CUX2: variants seen among roughly 807,000 people sequenced by gnomAD.
CUX2 encodes the protein cut like homeobox 2, also known as homeobox protein cut-like 2.
CUX2 carries 40 observed loss-of-function variants against 144.8 expected under a neutral mutation model. The ratio of observed to expected loss-of-function variants is 0.28; its 90% CI spans 0.21 to 0.36. The LOEUF is 0.36. Among genes scored for constraint, CUX2 ranks in the 10% least tolerant of loss-of-function variants. CUX2 has a pLI of 1.00. For missense variants in CUX2, 1,615 were observed against 1,994.0 expected (o/e 0.81, Z 3.62); for synonymous variants, 827 against 875.6 (o/e 0.94, Z 0.98).
chr12:111,311,607 T>TA (rs200109113), intron 15 of CUX2, among the ~76,000 whole-genome samples: 2,095 of 149,940 alleles, frequency 0.014, 89 homozygotes, highest in African/African-American at 0.049. Context: ...ATTATTATTT[T>TA]TTTTTTTTTG....
At chr12:111,047,185 C>T (rs1356721927) in intron 1 of CUX2, among the ~76,000 whole-genome samples, 1 of 152,188 alleles carries the variant, frequency 6.6e-6, no homozygotes, top group African/African-American at 2.4e-5. Context: ...GCCTGCATTC[C>T]GCGAGATGGA....
chr12:111,241,317 G>A (rs565272008), intron 3 of CUX2, among the ~76,000 whole-genome samples: 11 of 152,238 alleles, frequency 7.2e-5, no homozygotes, highest in South Asian at 2.1e-4. Context: ...ACTAGGCCCC[G>A]ACTCCCAATA....
chr12:111,313,320 C>T (rs1435214542), intron 16 of CUX2, among the ~76,000 whole-genome samples: 2 of 151,036 alleles, frequency 1.3e-5, no homozygotes, highest in Admixed American at 6.6e-5. Context: ...CCACCTGCCT[C>T]GGCCTCCCAA....
In CUX2 at chr12:111,134,350, T is replaced by A. The variant is rs111551677; in HGVS notation, c.64-79850T>A. On this transcript the variant is annotated intron_variant, in intron 1 of 21. Transcript: ENST00000261726. ...CTTCTTATCAGTGGTTGATTTGGAA[T>A]ATCTATTGGAGATAGTTTGCATATC... 1.4e-3 allele frequency among the ~76,000 whole-genome samples: 218 copies of A among 152,344 alleles called. 1 individual carries two copies. Among genetic ancestry groups the A allele is most frequent in the African/African-American group, 4.8e-3 (200 of 41,574 alleles).
intron 3 of CUX2, among the ~76,000 whole-genome samples, chr12:111,253,799 A>G (rs1164572090): frequency 7.0e-6 from 1 of 142,056 alleles, no homozygotes; most frequent in Non-Finnish European, 1.5e-5. Context: ...CATTTATAAA[A>G]TACTGTTTTT....
rs1200398908 is a variant in CUX2, at chr12:111,156,985, C to CAAAAAAA, written c.64-57197_64-57191dup. Among the ~76,000 whole-genome samples the CAAAAAAA allele has an allele frequency of 4.5e-3, 86 of 18,924 alleles. 3 individuals carry two copies. Among genetic ancestry groups the CAAAAAAA allele is most frequent in the African/African-American group, 9.0e-3 (32 of 3,538 alleles). The allele number at this position is 18,924 out of a possible 152,430, so 12.4% of individuals were successfully genotyped here. A position where few individuals can be genotyped will look rare whatever the true frequency, so the allele number is the denominator to read the frequency against. On this transcript the variant is annotated intron_variant, in intron 1 of 21. Transcript: ENST00000261726. ...TGGGCAATAAGAGCAAAACTTCTCT[C>CAAAAAAA]AAAAAAAAAAAAAAAAAAAAAAAAC...
At chr12:111,185,158 G>A (rs1027786431) in intron 1 of CUX2, among the ~76,000 whole-genome samples, 2 of 152,246 alleles carry the variant, frequency 1.3e-5, no homozygotes, top group Non-Finnish European at 2.9e-5. Flanking sequence ...TTGAATATAA[G>A]TAAAGTATCT....
intron 1 of CUX2, among the ~76,000 whole-genome samples, chr12:111,044,397 C>G (rs1201065091): frequency 6.6e-6 from 1 of 152,066 alleles, no homozygotes; most frequent in Non-Finnish European, 1.5e-5. Context: ...CATTCTCCCC[C>G]TCTTTATTCA....
intron 1 of CUX2, among the ~76,000 whole-genome samples, chr12:111,045,662 G>T (rs1165095816): frequency 6.6e-6 from 1 of 152,108 alleles, no homozygotes; most frequent in African/African-American, 2.4e-5. Flanking sequence ...GTTGCCTTGG[G>T]AGCTGCACCT....
chr12:111,312,334 C>T lies in CUX2; in HGVS notation c.2002+133C>T. The T allele has an allele frequency of 1.5e-6, 1 of 680,660 alleles. No individual in the cohort carries two copies. Among genetic ancestry groups the T allele is most frequent in the Non-Finnish European group, 2.5e-6 (1 of 406,398 alleles). 42.2% of individuals were successfully genotyped at this position (680,660 alleles called of 1,614,324 possible). On this transcript the variant is annotated intron_variant, in intron 16 of 21. Transcript: ENST00000261726. The surrounding 1 kb of genome is among the most constrained non-coding windows in gnomAD (Gnocchi z 4.3). ...CAGAACCACCAGAGGCCAGAGGGAC[C>T]TGTCTAGAGCGCATGGGTAGCTGTG...
At chr12:111,292,979 C>T (rs1885770169) in intron 5 of CUX2, among the ~76,000 whole-genome samples, 1 of 151,966 alleles carries the variant, frequency 6.6e-6, no homozygotes, top group African/African-American at 2.4e-5. Context: ...AAAAATTAGC[C>T]AAGCATGGTG....
At position 111,307,753 on chromosome 12, in the gene CUX2, C is replaced by T. The variant is rs764854519; in HGVS notation, c.1109+496C>T. Among the ~76,000 whole-genome samples the T allele has an allele frequency of 6.6e-6, 1 of 152,054 alleles. No individual in the cohort carries two copies. The highest frequency in any genetic ancestry group is 1.5e-5 in the Non-Finnish European group (1 of 68,020). On this transcript the variant is annotated intron_variant, in intron 12 of 21. Coordinates refer to ENST00000261726, the MANE Select transcript of CUX2 (RefSeq NM_015267.4). This position sits in a 1 kb window ranked among gnomAD's most constrained non-coding sequence, Gnocchi z 4.1. The stretch of plus-strand genomic sequence containing the variant: ...CCTTTTCCATTAAGAGCTGCCTGTA[C>T]GGGCAGATCACCTGAGGTCAGGAGT...
intron 1 of CUX2, among the ~76,000 whole-genome samples, chr12:111,106,699 G>A (rs552322478): frequency 1.8e-4 from 28 of 152,348 alleles, no homozygotes; most frequent in South Asian, 1.7e-3. Flanking sequence ...AGACTTCCGC[G>A]AGAAGGGCCT....
intron 3 of CUX2, among the ~76,000 whole-genome samples, chr12:111,256,151 C>T (rs1883807285): frequency 6.6e-6 from 1 of 152,124 alleles, no homozygotes; most frequent in East Asian, 1.9e-4. Context: ...CACGGCCCAT[C>T]GGCCCCTACC....
chr12:111,221,047 G>T (rs1881833306), intron 3 of CUX2, among the ~76,000 whole-genome samples: 2 of 151,534 alleles, frequency 1.3e-5, no homozygotes, highest in South Asian at 4.2e-4. Flanking sequence ...CTAGGACAGA[G>T]AAAGTCTTAG....
At chr12:111,204,414 C>G (rs1880789359) in intron 1 of CUX2, among the ~76,000 whole-genome samples, 1 of 152,168 alleles carries the variant, frequency 6.6e-6, no homozygotes, top group Admixed American at 6.5e-5. Context: ...TGTAGGCACA[C>G]AAAAAGTAGT....
intron 4 of CUX2, among the ~76,000 whole-genome samples, chr12:111,266,704 A>G (rs978627472): frequency 3.9e-5 from 6 of 152,322 alleles, no homozygotes; most frequent in Middle Eastern, 3.4e-3. Context: ...CTACAAGACA[A>G]TAAGTGTCTG....
intron 3 of CUX2, among the ~76,000 whole-genome samples, chr12:111,258,566 C>A (rs2136284852): frequency 6.6e-6 from 1 of 151,838 alleles, no homozygotes; most frequent in African/African-American, 2.4e-5. Flanking sequence ...CACAGACAGC[C>A]AGTCATTGCC....
Position 111,061,795 on chromosome 12 carries a change from TGTGCTTCCA to T in CUX2, c.63+27558_63+27566del, listed in dbSNP as rs1870786015. ...CTTTTTTCTGCTGTGATGGAAACAC[TGTGCTTCCA>T]GTTTTATGTACTTGGCCTTGTTCTC... On this transcript the variant is annotated intron_variant, in intron 1 of 21. Coordinates refer to ENST00000261726, the MANE Select transcript of CUX2 (RefSeq NM_015267.4). The surrounding 1 kb of genome is among the most constrained non-coding windows in gnomAD (Gnocchi z 4.2). Among the ~76,000 whole-genome samples, 1 of 152,224 alleles carries T rather than the reference TGTGCTTCCA, an allele frequency of 6.6e-6. No individual in the cohort carries two copies. Among genetic ancestry groups the T allele is most frequent in the Non-Finnish European group, 1.5e-5 (1 of 68,038 alleles).
Sources: allele counts gnomAD v4.1 joint callset (sites outside exome capture counted in the v4.1 genomes callset), GRCh38; gene constraint gnomAD v4.1.1; non-coding constraint Gnocchi (gnomAD v3.1); transcripts MANE v1.5; gene names NCBI Gene and HGNC (gene_info 2026-07-23, HGNC 2026-07-21).